The following AKT3 variants were observed in gnomAD, a reference collection of about 807,000 sequenced individuals.
AKT3 encodes RAC-gamma serine/threonine-protein kinase.
In AKT3, 15 loss-of-function variants were observed where a neutral mutation model predicts 65.3. The ratio of observed to expected loss-of-function variants is 0.23; its 90% CI spans 0.15 to 0.35. The LOEUF is 0.35. Among genes scored for constraint, AKT3 ranks in the 10% least tolerant of loss-of-function variants. The pLI is 1.00. For missense variants in AKT3, 243 were observed against 576.5 expected (o/e 0.42, Z 5.92); for synonymous variants, 206 against 183.8 (o/e 1.12, Z -0.98).
At chr1:243,702,499 G>A (rs1376055837) in intron 2 of AKT3, among the ~76,000 whole-genome samples, 1 of 152,126 alleles carries the variant, frequency 6.6e-6, no homozygotes, top group Non-Finnish European at 1.5e-5. Flanking sequence ...AATGTAAAAA[G>A]CCCTTAGAAC....
intron 12 of AKT3, among the ~76,000 whole-genome samples, chr1:243,535,865 C>T (rs1671890772): frequency 1.3e-5 from 2 of 152,152 alleles, no homozygotes; most frequent in South Asian, 4.1e-4. Flanking sequence ...TCCCTTTTTA[C>T]CGCATCTACA....
chr1:243,681,932 C>G (rs1305892705), intron 3 of AKT3, among the ~76,000 whole-genome samples: 1 of 151,918 alleles, frequency 6.6e-6, no homozygotes, highest in Non-Finnish European at 1.5e-5. Flanking sequence ...TGTTAATTTT[C>G]TTCCTTTACT....
chr1:243,845,706 T>G (rs1238026096), intron 1 of AKT3, among the ~76,000 whole-genome samples: 1 of 151,908 alleles, frequency 6.6e-6, no homozygotes, highest in African/African-American at 2.4e-5. Flanking sequence ...TCATAAATTT[T>G]TAAAAATCCA....
intron 4 of AKT3, among the ~76,000 whole-genome samples, chr1:243,662,129 A>C (rs1176298752): frequency 2.6e-5 from 4 of 151,944 alleles, no homozygotes; most frequent in African/African-American, 9.7e-5. Context: ...TAGTTCAACC[A>C]TTGTGGAAGT....
chr1:243,722,780 T>C (rs985033172), intron 2 of AKT3, among the ~76,000 whole-genome samples: 2 of 152,168 alleles, frequency 1.3e-5, no homozygotes, highest in East Asian at 3.8e-4. Flanking sequence ...TCAAATATTA[T>C]ATTAGACATG....
Position 243,561,504 on chromosome 1 carries a change from C to T in AKT3, c.948+2216G>A, listed in dbSNP as rs191863640. Among the ~76,000 whole-genome samples, 317 of 152,208 alleles carry T rather than the reference C, an allele frequency of 2.1e-3. 3 individuals carry two copies. The highest frequency in any genetic ancestry group is 6.9e-3 in the African/African-American group (285 of 41,560). On this transcript the variant is annotated intron_variant, in intron 10 of 13. Coordinates refer to ENST00000673466, the MANE Select transcript of AKT3 (RefSeq NM_005465.7). ...CCACCTCTTAGCTGTGTACAGATAA[C>T]ATTTAAATATTCTGATCTTATGATC... is the stretch of plus-strand genomic sequence containing the variant.
intron 6 of AKT3, among the ~76,000 whole-genome samples, chr1:243,624,085 C>T (rs1309946298): frequency 1.3e-5 from 2 of 152,164 alleles, no homozygotes; most frequent in African/African-American, 4.8e-5. Context: ...TTAGGGACAG[C>T]TGACACAGTT....
chr1:243,703,261 T>TTA (rs1445312659), intron 2 of AKT3, among the ~76,000 whole-genome samples: 4 of 152,138 alleles, frequency 2.6e-5, no homozygotes, highest in African/African-American at 9.6e-5. Context: ...GTGATACATC[T>TTA]TAAATATCAG....
intron 2 of AKT3, among the ~76,000 whole-genome samples, chr1:243,808,439 G>T (rs1281509491): frequency 6.6e-6 from 1 of 152,178 alleles, no homozygotes; most frequent in Non-Finnish European, 1.5e-5. Context: ...AGTGATGGAA[G>T]ATCAAATGAA....
intron 2 of AKT3, among the ~76,000 whole-genome samples, chr1:243,804,948 C>T (rs1692635116): frequency 6.6e-6 from 1 of 151,988 alleles, no homozygotes; most frequent in Admixed American, 6.6e-5. Context: ...GTTACATTGC[C>T]TGATATTTTG....
intron 3 of AKT3, among the ~76,000 whole-genome samples, chr1:243,677,865 T>C (rs1683632340): frequency 6.6e-6 from 1 of 152,066 alleles, no homozygotes; most frequent in African/African-American, 2.4e-5. Flanking sequence ...GGCGGGTGGA[T>C]TACCTGAGGT....
intron 2 of AKT3, among the ~76,000 whole-genome samples, chr1:243,734,577 A>C (rs937691645): frequency 6.6e-6 from 1 of 152,142 alleles, no homozygotes; most frequent in African/African-American, 2.4e-5. Flanking sequence ...GCACACCTCT[A>C]TAGGGCACTT....
At chr1:243,628,628 T>C (rs1350712732) in intron 6 of AKT3, among the ~76,000 whole-genome samples, 1 of 152,158 alleles carries the variant, frequency 6.6e-6, no homozygotes, top group Non-Finnish European at 1.5e-5. Context: ...CAGATCAACT[T>C]TGGAACCATC....
intron 2 of AKT3, among the ~76,000 whole-genome samples, chr1:243,798,124 C>T (rs530754117): frequency 5.3e-5 from 8 of 150,374 alleles, no homozygotes; most frequent in Admixed American, 1.3e-4. Context: ...CCTCGTGATC[C>T]GCCTGCCTCG....
intron 2 of AKT3, among the ~76,000 whole-genome samples, chr1:243,803,835 C>T (rs1013356620): frequency 3.3e-5 from 5 of 152,138 alleles, no homozygotes; most frequent in South Asian, 2.1e-4. Flanking sequence ...TCCTGGCTAC[C>T]GTGATACATT....
rs530486295 is a variant in AKT3 at position 243,713,083 on chromosome 1, T to C, written c.47-17367A>G. 2.1e-3 allele frequency among the ~76,000 whole-genome samples: 316 copies of C among 152,322 alleles called. 3 individuals are homozygous for C. The highest frequency in any genetic ancestry group is 6.8e-3 in the African/African-American group (284 of 41,576). On this transcript the variant is annotated intron_variant, in intron 2 of 13. Coordinates refer to ENST00000673466, the MANE Select transcript of AKT3 (RefSeq NM_005465.7). ...TGGGTACTCTCTACCTCACCCCTAG[T>C]GGTAGGCTATGAAACAAATCGATTC...
At chr1:243,563,420 A>G (rs1222331348) in intron 10 of AKT3, among the ~76,000 whole-genome samples, 1 of 152,194 alleles carries the variant, frequency 6.6e-6, no homozygotes, top group Non-Finnish European at 1.5e-5. Context: ...CAATTATTCT[A>G]TTTTAATAAA....
In AKT3 at chr1:243,615,177, A is replaced by G. The variant is rs753356404; in HGVS notation, c.562-16T>C. The G allele has an allele frequency of 1.9e-6, 3 of 1,593,312 alleles. No homozygotes were observed. The highest frequency in any genetic ancestry group is 1.3e-5 in the African/African-American group (1 of 74,350). On this transcript the variant is annotated splice_polypyrimidine_tract_variant and intron_variant, in intron 6 of 13. Coordinates refer to ENST00000673466, the MANE Select transcript of AKT3 (RefSeq NM_005465.7). Reference sequence around the variant, plus strand: ...CCACTTCATCCTACAAAAGAAAAAAAGCAAACCTTCAATATATGTTTTGAG... The same window carrying G: ...CCACTTCATCCTACAAAAGAAAAAAGGCAAACCTTCAATATATGTTTTGAG...
At chr1:243,564,349 T>A (rs774385790) in intron 9 of AKT3, among the ~76,000 whole-genome samples, 1 of 152,186 alleles carries the variant, frequency 6.6e-6, no homozygotes, top group Non-Finnish European at 1.5e-5. Context: ...TAAGGCGATA[T>A]CCTCTTTTGC....
Sources: gnomAD v4.1 joint callset for allele counts (sites outside exome capture counted in the v4.1 genomes callset) on GRCh38, gnomAD v4.1.1 for gene constraint, MANE v1.5 for transcripts, NCBI Gene and HGNC (gene_info 2026-07-23, HGNC 2026-07-21) for gene names.